The following ZNF74 variants were observed in gnomAD, a reference collection of about 807,000 sequenced individuals.
ZNF74 encodes the protein zinc finger protein 74.
Under a neutral mutation model 17.7 loss-of-function variants are expected in ZNF74, and 12 were observed. That is an observed-to-expected ratio of 0.68 (90% CI 0.43 to 1.10). The LOEUF is 1.10. Among genes scored for constraint, ZNF74 ranks in the 50% least tolerant of loss-of-function variants. The pLI, the probability that ZNF74 is intolerant of heterozygous loss-of-function variation, is 0.00. For synonymous variants in ZNF74, 358 were observed against 362.1 expected (o/e 0.99, Z 0.13); for missense variants, 811 against 881.0 (o/e 0.92, Z 1.01).
Position 20,401,255 on chromosome 22 carries a change from C to G in ZNF74, c.248-22C>G. On this transcript the variant is annotated intron_variant, in intron 3 of 4. Transcript: ENST00000400451. This position sits in a 1 kb window ranked among gnomAD's most constrained non-coding sequence, Gnocchi z 4.2. Reference sequence around the variant, plus strand: ...GCCTGGAGAGCTGCAGCATGCCCAGCCCACTTTCTCTCCACGAGCAGGACC... The same window carrying G: ...GCCTGGAGAGCTGCAGCATGCCCAGGCCACTTTCTCTCCACGAGCAGGACC... 1 of 1,568,908 alleles carries G rather than the reference C, an allele frequency of 6.4e-7. No individual in the cohort carries two copies. Among genetic ancestry groups the G allele is most frequent in the South Asian group, 1.1e-5 (1 of 88,090 alleles).
Position 20,406,939 on chromosome 22 carries a change from T to G in ZNF74, c.1906T>G (p.Phe636Val). Reference sequence around the variant, plus strand: ...GGTTCCCCCCAGAGCTGGCAGGAATTTCTCCCTGGGGAGCAAACCTCGAAA... The same window carrying G: ...GGTTCCCCCCAGAGCTGGCAGGAATGTCTCCCTGGGGAGCAAACCTCGAAA... ...CVVPPRAGRNFSLGSKPRN is the reference protein window; with the variant it reads ...CVVPPRAGRNVSLGSKPRN Residue 636 changes from phenylalanine to valine, a missense_variant, in exon 5 of 5, where the codon TTC becomes GTC. Physicochemically the swap from Phe to Val is conservative, Grantham distance 50 (BLOSUM62 -1). This residue lies in a region of ZNF74 where 115 missense variants were observed against 119.5 expected (regional missense o/e 0.96). Coordinates refer to ENST00000400451, the MANE Select transcript of ZNF74 (RefSeq NM_003426.4). 3.1e-6 allele frequency: 5 copies of G among 1,613,516 alleles called. No individual in the cohort carries two copies. The highest frequency in any genetic ancestry group is 2.5e-6 in the Non-Finnish European group (3 of 1,179,810).
Position 20,405,793 on chromosome 22 carries a change from G to A in ZNF74, c.760G>A (p.Gly254Arg), listed in dbSNP as rs1569096084. 6.2e-7 allele frequency: 1 copy of A among 1,611,948 alleles called. No individual in the cohort carries two copies. Among genetic ancestry groups the A allele is most frequent in the African/African-American group, 1.3e-5 (1 of 75,036 alleles). The change falls in exon 5 of 5, where the codon GGG becomes AGG. Residue 254 changes from glycine (G) to arginine (R), a missense_variant. Around this residue, in one of 3 missense-constraint regions of ZNF74, gnomAD observed 666 missense variants for 702.3 expected, o/e 0.95. Coordinates refer to ENST00000400451, the MANE Select transcript of ZNF74 (RefSeq NM_003426.4). The part of the protein sequence containing the change: ...GEGEFVCGEC[G>R]KAFRQSSSLT... ...GGGCGAGTTCGTGTGCGGCGAGTGC[G>A]GGAAGGCGTTCCGCCAGAGCTCCTC...
intron 3 of ZNF74, 36 bp downstream of exon 3, chr22:20,400,794 G>A (rs1301649575): frequency 3.7e-6 from 6 of 1,609,686 alleles, no homozygotes; most frequent in South Asian, 3.3e-5. Flanking sequence ...GGCGTCGGCT[G>A]TCAGCCTTCT....
intron 2 of ZNF74, among the ~76,000 whole-genome samples, chr22:20,395,851 T>C (rs536194498): frequency 1.3e-5 from 2 of 152,262 alleles, no homozygotes; most frequent in South Asian, 2.1e-4. Flanking sequence ...AAGGGCTGGA[T>C]TGCAGCACTT....
At position 20,406,634 on chromosome 22, in the gene ZNF74, G is replaced by A; in HGVS notation, c.1601G>A (p.Gly534Asp). ...GEKPYKCSEC[G>D]RAFSQNHCLI... ...AAGCCCTACAAGTGCAGCGAGTGCG[G>A]CAGAGCCTTCAGCCAGAACCACTGT... The change falls in exon 5 of 5, where the codon GGC (glycine) becomes GAC (aspartate). Residue 534 changes from glycine (G) to aspartate (D), a missense_variant. This residue lies in a region of ZNF74 where 30 missense variants were observed against 59.2 expected (regional missense o/e 0.51). Transcript: ENST00000400451. The A allele has an allele frequency of 6.2e-7, 1 of 1,614,252 alleles. No homozygotes were observed. Among genetic ancestry groups the A allele is most frequent in the South Asian group, 1.1e-5 (1 of 91,092 alleles).
At chr22:20,403,820 C>T (rs2052384288) in intron 4 of ZNF74, among the ~76,000 whole-genome samples, 1 of 151,728 alleles carries the variant, frequency 6.6e-6, no homozygotes, top group Non-Finnish European at 1.5e-5. Flanking sequence ...TCACATCACC[C>T]TCTGTGCAAA....
rs1017577418 is a variant in ZNF74, at chr22:20,407,214, A to T, written c.*246A>T. ...GTAGTCTTGCCACCTGTTTTCCTTG[A>T]TGGGCCTGGAAGTTGTTGACAAGGG... On this transcript the variant is annotated 3_prime_UTR_variant, in exon 5 of 5. Coordinates refer to ENST00000400451, the MANE Select transcript of ZNF74 (RefSeq NM_003426.4). The T allele has an allele frequency of 1.9e-6, 1 of 537,646 alleles. No individual in the cohort carries two copies. Among genetic ancestry groups the T allele is most frequent in the African/African-American group, 1.9e-5 (1 of 52,764 alleles). The allele number at this position is 537,646 out of a possible 1,614,324, so 33.3% of individuals were successfully genotyped here.
rs1239651987 is a variant in ZNF74, at chr22:20,394,433, C to T, written c.-196C>T. ...GGGGAGTGGGTATCTGCGGAGCCGG[C>T]CTGAACCCCACCTCAGCCGGGCGCG... On this transcript the variant is annotated 5_prime_UTR_variant, in exon 1 of 5. Transcript: ENST00000400451. 6.3e-6 allele frequency: 4 copies of T among 635,704 alleles called. No individual in the cohort carries two copies. The highest frequency in any genetic ancestry group is 2.5e-5 in the Admixed American group (1 of 39,438). The allele number at this position is 635,704 out of a possible 1,614,324, so 39.4% of individuals were successfully genotyped here. A position where few individuals can be genotyped will look rare whatever the true frequency, so the allele number is the denominator to read the frequency against.
chr22:20,402,054 G>A (rs1444443462), intron 4 of ZNF74, among the ~76,000 whole-genome samples: 1 of 152,214 alleles, frequency 6.6e-6, no homozygotes, highest in East Asian at 1.9e-4. Context: ...TTCTGAGTTG[G>A]TTGATAAATA....
chr22:20,395,439 C>T (rs1368407811), intron 2 of ZNF74, 21 bp downstream of exon 2: 1 of 1,576,546 alleles, frequency 6.3e-7, no homozygotes. Flanking sequence ...GTGTGTTCTT[C>T]CTTCTTTATG....
rs756802026 is a variant in ZNF74, at chr22:20,405,440, A to G, written c.407A>G (p.Glu136Gly). ...QGICKEEPAQEPIMERPLGGA... is the reference protein window; with the variant it reads ...QGICKEEPAQGPIMERPLGGA... ...ATTTGCAAAGAAGAACCGGCCCAGG[A>G]GCCCATCATGGAGCGGCCCCTCGGC... Residue 136 changes from glutamate to glycine, a missense_variant, in exon 5 of 5, where the codon GAG (glutamate) becomes GGG (glycine). Physicochemically the swap from Glu to Gly is moderately conservative, Grantham distance 98 (BLOSUM62 -2). Transcript: ENST00000400451. 3 of 1,613,460 alleles carry G rather than the reference A, an allele frequency of 1.9e-6. No homozygotes were observed. Among genetic ancestry groups the G allele is most frequent in the Non-Finnish European group, 2.5e-6 (3 of 1,179,874 alleles).
At chr22:20,396,130 G>C (rs895856973) in intron 2 of ZNF74, among the ~76,000 whole-genome samples, 17 of 151,600 alleles carry the variant, frequency 1.1e-4, no homozygotes, top group Non-Finnish European at 1.3e-4. Flanking sequence ...GCACAGTAGA[G>C]TGAAAGATGT....
chr22:20,398,529 A>G (rs1161574677), intron 2 of ZNF74, among the ~76,000 whole-genome samples: 2 of 152,190 alleles, frequency 1.3e-5, no homozygotes, highest in African/African-American at 4.8e-5. Flanking sequence ...ATTTGAGTAC[A>G]CGTATGGCTG....
In ZNF74 at chr22:20,406,108, C is replaced by T. The variant is rs1396767946; in HGVS notation, c.1075C>T (p.Pro359Ser). 3 of 1,612,648 alleles carry T rather than the reference C, an allele frequency of 1.9e-6. No homozygotes were observed. Among genetic ancestry groups the T allele is most frequent in the African/African-American group, 2.7e-5 (2 of 74,632 alleles). ...MHLRVHTGEK[P>S]YRCGECGKAF... ...CCTGCGGGTGCACACCGGCGAGAAG[C>T]CCTACCGGTGCGGCGAGTGCGGCAA... is the stretch of plus-strand genomic sequence containing the variant. Residue 359 changes from proline to serine, a missense_variant, in exon 5 of 5, where the codon CCC becomes TCC. Coordinates refer to ENST00000400451, the MANE Select transcript of ZNF74 (RefSeq NM_003426.4).
chr22:20,400,544 T>C (rs2052344861), intron 2 of ZNF74, 88 bp from the exon 3 acceptor site: 1 of 1,543,640 alleles, frequency 6.5e-7, no homozygotes, highest in African/African-American at 1.4e-5. Context: ...GTTAACCCTT[T>C]ACTTGTAGGG....
rs889792528 is a variant in ZNF74 at position 20,401,441 on chromosome 22, T to G, written c.343+69T>G. On this transcript the variant is annotated intron_variant, in intron 4 of 4. Transcript: ENST00000400451. This position sits in a 1 kb window ranked among gnomAD's most constrained non-coding sequence, Gnocchi z 4.2. ...TGGTGGCACCTCCTCCTATGGCCCC[T>G]ATTTTCCTCCCTCAGTTTGCCCCGG... is the stretch of plus-strand genomic sequence containing the variant. 5.8e-6 allele frequency: 6 copies of G among 1,037,134 alleles called. No individual in the cohort carries two copies. In the African/African-American group the frequency reaches 9.6e-5, roughly 17 times the overall value. 64.2% of individuals were successfully genotyped at this position (1,037,134 alleles called of 1,614,324 possible). A position where few individuals can be genotyped will look rare whatever the true frequency, so the allele number is the denominator to read the frequency against.
chr22:20,406,272 C>T lies in ZNF74; in HGVS notation c.1239C>T (p.Asp413=), dbSNP rs201762599. The change falls in exon 5 of 5, where the codon GAC becomes GAT. Residue 413 remains aspartate (D), a synonymous_variant. Coordinates refer to ENST00000400451, the MANE Select transcript of ZNF74 (RefSeq NM_003426.4). ...TGCATGAGAAGATCCACAGCGGGGA[C>T]AAGCCGTTCAAGTGCAGCGACTGCG... ...LTVHEKIHSG[D]KPFKCSDCEK... 1 of 1,608,396 alleles carries T rather than the reference C, an allele frequency of 6.2e-7. No homozygotes were observed. Among genetic ancestry groups the T allele is most frequent in the African/African-American group, 1.4e-5 (1 of 74,048 alleles).
rs989096311 is a variant in ZNF74, at chr22:20,394,467, G to A, written c.-162G>A. The A allele has an allele frequency of 2.9e-6, 2 of 691,768 alleles. No homozygotes were observed. The highest frequency in any genetic ancestry group is 5.0e-6 in the Non-Finnish European group (2 of 402,566). 42.9% of individuals were successfully genotyped at this position (691,768 alleles called of 1,614,324 possible). ...CACCTCAGCCGGGCGCGGGGAGGGG[G>A]CTCCGTGCGTGTGATCGTGCAGCTG... On this transcript the variant is annotated 5_prime_UTR_variant, in exon 1 of 5. Transcript: ENST00000400451.
At position 20,394,205 on chromosome 22, in the gene ZNF74, G is replaced by T; in HGVS notation, c.-424G>T. ...GTCGCAGTCCTTTTGTGGGAGTCCGGTCTGTCCACTTGCCGGTCCCTCAGA... is the reference window on the plus strand; with the variant it reads ...GTCGCAGTCCTTTTGTGGGAGTCCGTTCTGTCCACTTGCCGGTCCCTCAGA... On this transcript the variant is annotated 5_prime_UTR_variant, in exon 1 of 5. Coordinates refer to ENST00000400451, the MANE Select transcript of ZNF74 (RefSeq NM_003426.4). 1 of 686,176 alleles carries T rather than the reference G, an allele frequency of 1.5e-6. No homozygotes were observed. The highest frequency in any genetic ancestry group is 2.7e-6 in the Non-Finnish European group (1 of 373,292). The allele number at this position is 686,176 out of a possible 1,614,324, so 42.5% of individuals were successfully genotyped here.
Sources: gnomAD v4.1 joint callset for allele counts (sites outside exome capture counted in the v4.1 genomes callset) on GRCh38, gnomAD v4.1.1 for gene constraint, gnomAD v4.1.1 regional missense constraint, Gnocchi (gnomAD v3.1) non-coding constraint, MANE v1.5 for transcripts, NCBI Gene and HGNC (gene_info 2026-07-23, HGNC 2026-07-21) for gene names.